Variants in OSBPL10 observed in about 807,000 individuals in gnomAD.
The protein encoded by OSBPL10 is oxysterol binding protein like 10.
A neutral mutation model predicts 81.7 loss-of-function variants in OSBPL10; 49 were observed. The ratio of observed to expected loss-of-function variants is 0.60; its 90% confidence interval spans 0.48 to 0.76. The LOEUF (loss-of-function observed/expected upper bound fraction) is 0.76. Among genes scored for constraint, OSBPL10 ranks in the 30% least tolerant of loss-of-function variants. OSBPL10 has a pLI of 0.00. For missense variants in OSBPL10, 923 were observed against 987.8 expected (o/e 0.93, Z 0.88); for synonymous variants, 419 against 383.6 (o/e 1.09, Z -1.08).
intron 2 of OSBPL10, among the ~76,000 whole-genome samples, chr3:32,020,432 G>A (rs1559550534): frequency 1.3e-5 from 2 of 152,074 alleles, no homozygotes; most frequent in Non-Finnish European, 2.9e-5. Flanking sequence ...TTAGCATAAT[G>A]TTTTCAAGGT....
intron 4 of OSBPL10, among the ~76,000 whole-genome samples, chr3:31,805,464 A>T (rs1254690799): frequency 6.6e-6 from 1 of 152,162 alleles, no homozygotes; most frequent in Non-Finnish European, 1.5e-5. Context: ...GCAACTATGA[A>T]TTGCCTGGTA....
chr3:31,948,546 C>A lies in OSBPL10; in HGVS notation c.281+32353G>T, dbSNP rs560192575. On this transcript the variant is annotated intron_variant, in intron 1 of 11. Coordinates refer to ENST00000396556, the MANE Select transcript of OSBPL10 (RefSeq NM_017784.5). Reference sequence around the variant, plus strand: ...CGACCACACTCGAGCAATAAACGGGCAGTCATCCTCCGTCATATAACTAAC... The same window carrying A: ...CGACCACACTCGAGCAATAAACGGGAAGTCATCCTCCGTCATATAACTAAC... Among the ~76,000 whole-genome samples the A allele has an allele frequency of 2.6e-5, 4 of 152,330 alleles. No homozygotes were observed. In the South Asian group the frequency reaches 8.3e-4, roughly 32 times the overall value.
rs1559476464 is a variant in OSBPL10 at position 31,812,798 on chromosome 3, GAAAGAAAGAAAGAAAGAAAGAGAA to G, written c.729+17218_729+17241del. On this transcript the variant is annotated intron_variant, in intron 4 of 11. Transcript: ENST00000396556. ...AGAAAGAAAGAAAGAAAGAAAGAAA[GAAAGAAAGAAAGAAAGAAAGAGAA>G]AGAAAGAAAGAAAGAAAGAAAGAAC... Among the ~76,000 whole-genome samples, 183 of 48,142 alleles carry G rather than the reference GAAAGAAAGAAAGAAAGAAAGAGAA, an allele frequency of 3.8e-3. 2 individuals carry two copies. The highest frequency in any genetic ancestry group is 4.7e-3 in the Non-Finnish European group (121 of 25,978). 31.6% of individuals were successfully genotyped at this position (48,142 alleles called of 152,430 possible). A position where few individuals can be genotyped will look rare whatever the true frequency, so the allele number is the denominator to read the frequency against.
chr3:31,811,823 A>T (rs1180237523), intron 4 of OSBPL10, among the ~76,000 whole-genome samples: 1 of 152,200 alleles, frequency 6.6e-6, no homozygotes, highest in African/African-American at 2.4e-5. Flanking sequence ...GGGAGAGAGT[A>T]GTCAGAGAGG....
chr3:31,929,320 G>A (rs890542745), intron 1 of OSBPL10, among the ~76,000 whole-genome samples: 11 of 152,080 alleles, frequency 7.2e-5, no homozygotes, highest in Non-Finnish European at 1.3e-4. Context: ...GGAGATTCCC[G>A]TCAACATAAT....
At chr3:31,836,727 C>T (rs1316415482) in intron 3 of OSBPL10, among the ~76,000 whole-genome samples, 1 of 152,162 alleles carries the variant, frequency 6.6e-6, no homozygotes, top group Non-Finnish European at 1.5e-5. Flanking sequence ...CAGATCCACC[C>T]AGAAGTGTCA....
rs1699752085 is a variant in OSBPL10, at chr3:32,061,058, G to A, written n.186-14455C>T. ...CACCCCTCTTCAGTTCCTCAAACAA[G>A]CCCCATTCTTTCCCCTCCCAGACCT... On this transcript the variant is annotated intron_variant and non_coding_transcript_variant, in intron 1 of 3. Coordinates refer to the OSBPL10 transcript ENST00000479173. Among the ~76,000 whole-genome samples, 3 of 87,644 alleles carry A rather than the reference G, an allele frequency of 3.4e-5. 1 individual carries two copies. The highest frequency in any genetic ancestry group is 9.0e-5 in the Non-Finnish European group (3 of 33,196). 57.5% of individuals were successfully genotyped at this position (87,644 alleles called of 152,430 possible).
chr3:31,761,297 C>T (rs1223721888), intron 4 of OSBPL10, among the ~76,000 whole-genome samples: 1 of 151,114 alleles, frequency 6.6e-6, no homozygotes, highest in African/African-American at 2.4e-5. Context: ...CATAGTGAAA[C>T]CCAATCTCTA....
intron 3 of OSBPL10, among the ~76,000 whole-genome samples, chr3:31,838,002 T>C (rs1267667008): frequency 1.3e-5 from 2 of 152,212 alleles, no homozygotes; most frequent in African/African-American, 4.8e-5. Flanking sequence ...CAGGATTTTT[T>C]GAGCAACTCA....
At chr3:32,060,379 G>A (rs375791059) in intron 1 of OSBPL10, among the ~76,000 whole-genome samples, 1 of 152,006 alleles carries the variant, frequency 6.6e-6, no homozygotes, top group Non-Finnish European at 1.5e-5. Flanking sequence ...TCTCTGTCTC[G>A]CTGTCCATCA....
chr3:31,790,167 A>G (rs1030961739), intron 4 of OSBPL10, among the ~76,000 whole-genome samples: 1 of 152,354 alleles, frequency 6.6e-6, no homozygotes, highest in Non-Finnish European at 1.5e-5. Flanking sequence ...TCTCACAAGT[A>G]ATTACAGAAA....
chr3:31,764,685 G>A (rs1413040417), intron 4 of OSBPL10, among the ~76,000 whole-genome samples: 1 of 152,150 alleles, frequency 6.6e-6, no homozygotes, highest in Non-Finnish European at 1.5e-5. Flanking sequence ...TGAAGCTTCA[G>A]GCTTAACCAT....
chr3:32,026,064 T>G (rs1699407445), intron 2 of OSBPL10, among the ~76,000 whole-genome samples: 1 of 112,194 alleles, frequency 8.9e-6, no homozygotes, highest in African/African-American at 3.2e-5. Flanking sequence ...AGATGATAGA[T>G]AGATAGATAG....
intron 2 of OSBPL10, among the ~76,000 whole-genome samples, chr3:32,031,148 A>G (rs1476025122): frequency 6.6e-6 from 1 of 152,006 alleles, no homozygotes; most frequent in Non-Finnish European, 1.5e-5. Context: ...TGGGCGACCA[A>G]GAGAGACTCC....
chr3:31,768,343 C>G (rs1303866055), intron 4 of OSBPL10, among the ~76,000 whole-genome samples: 1 of 152,178 alleles, frequency 6.6e-6, no homozygotes, highest in Non-Finnish European at 1.5e-5. Flanking sequence ...AAACTCCTAT[C>G]TCAGGGCTGC....
chr3:31,967,240 GT>G (rs1698427532), intron 1 of OSBPL10, among the ~76,000 whole-genome samples: 1 of 152,024 alleles, frequency 6.6e-6, no homozygotes, highest in Non-Finnish European at 1.5e-5. Context: ...CAGGTTTTTT[GT>G]TTGATTGTTT....
chr3:31,890,266 T>C (rs1055430470), intron 1 of OSBPL10, among the ~76,000 whole-genome samples: 52 of 151,590 alleles, frequency 3.4e-4, no homozygotes, highest in African/African-American at 1.2e-3. Context: ...CCAAGATGAA[T>C]GTTATTTAAG....
At chr3:31,949,383 T>C (rs1267906389) in intron 1 of OSBPL10, among the ~76,000 whole-genome samples, 1 of 152,086 alleles carries the variant, frequency 6.6e-6, no homozygotes, top group Non-Finnish European at 1.5e-5. Context: ...GGATACTGGG[T>C]TCCGGCTGGG....
chr3:31,803,037 A>T (rs1406253189), intron 4 of OSBPL10, among the ~76,000 whole-genome samples: 1 of 149,586 alleles, frequency 6.7e-6, no homozygotes, highest in African/African-American at 2.5e-5. Flanking sequence ...TCTAGTCTAC[A>T]AAGTGGCTTT....
Sources: allele counts gnomAD v4.1 joint callset (sites outside exome capture counted in the v4.1 genomes callset), GRCh38; gene constraint gnomAD v4.1.1; transcripts MANE v1.5; gene names NCBI Gene and HGNC (gene_info 2026-07-23, HGNC 2026-07-21).